Variants in MARCHF5 observed in about 807,000 individuals in gnomAD.
The protein encoded by MARCHF5 is membrane associated ring-CH-type finger 5, also known as E3 ubiquitin-protein ligase MARCHF5.
Under a neutral mutation model 36.5 loss-of-function variants are expected in MARCHF5, and 5 were observed. That is an observed-to-expected ratio of 0.14 (90% CI 0.07 to 0.29). The LOEUF (loss-of-function observed/expected upper bound fraction) is 0.29. Among genes scored for constraint, MARCHF5 ranks in the 10% least tolerant of loss-of-function variants. The probability of loss-of-function intolerance (pLI) is 1.00; values close to 1 mark genes in which losing one functional copy is unlikely to be tolerated. For missense variants in MARCHF5, 179 were observed against 336.3 expected (o/e 0.53, Z 3.66); for synonymous variants, 103 against 109.9 (o/e 0.94, Z 0.39).
At chr10:92,342,071 G>A (rs1590667016) in intron 3 of MARCHF5, among the ~76,000 whole-genome samples, 2 of 150,366 alleles carry the variant, frequency 1.3e-5, no homozygotes, top group East Asian at 4.0e-4. Context: ...AGTGCTGGAG[G>A]TACGGGTGTA....
chr10:92,332,765 T>G (rs918184085), intron 2 of MARCHF5, among the ~76,000 whole-genome samples: 2 of 151,832 alleles, frequency 1.3e-5, no homozygotes, highest in African/African-American at 4.8e-5. Context: ...GAGATCCACC[T>G]GCCTCAGCCT....
At chr10:92,327,059 A>G (rs1034534171) in intron 2 of MARCHF5, among the ~76,000 whole-genome samples, 13 of 152,200 alleles carry the variant, frequency 8.5e-5, no homozygotes, top group Admixed American at 2.6e-4. Context: ...ACACTTACAC[A>G]GAATCTACAA....
intron 2 of MARCHF5, among the ~76,000 whole-genome samples, chr10:92,331,435 C>A (rs186526584): frequency 6.6e-5 from 10 of 152,144 alleles, no homozygotes; most frequent in South Asian, 2.1e-4. Flanking sequence ...TCCTCCCCCC[C>A]CATAATCTTT....
At chr10:92,335,408 A>G (rs17365265) in intron 2 of MARCHF5, among the ~76,000 whole-genome samples, 18,133 of 152,204 alleles carry the variant, frequency 0.12, 1,401 homozygotes, top group Middle Eastern at 0.22. Context: ...TAGCTCTCAG[A>G]AATACCTCCC....
chr10:92,343,203 C>T (rs540165374), intron 3 of MARCHF5, among the ~76,000 whole-genome samples: 7 of 152,282 alleles, frequency 4.6e-5, no homozygotes, highest in African/African-American at 1.2e-4. Context: ...CTTTGGCTTA[C>T]GTCACCTTCC....
At chr10:92,344,059 A>G (rs1308498298) in intron 3 of MARCHF5, among the ~76,000 whole-genome samples, 1 of 152,220 alleles carries the variant, frequency 6.6e-6, no homozygotes, top group Non-Finnish European at 1.5e-5. Context: ...TTTTCTTAAG[A>G]CTTTATTGAC....
intron 2 of MARCHF5, among the ~76,000 whole-genome samples, chr10:92,332,736 GTCTCAATC>G (rs1843451841): frequency 6.6e-6 from 1 of 151,540 alleles, no homozygotes; most frequent in African/African-American, 2.4e-5. Flanking sequence ...GGCCAGGATG[GTCTCAATC>G]TCTTGACTTT....
chr10:92,304,100 G>A (rs1403936473), intron 1 of MARCHF5, among the ~76,000 whole-genome samples: 2 of 152,172 alleles, frequency 1.3e-5, no homozygotes, highest in African/African-American at 2.4e-5. Flanking sequence ...AAGTAGTGGC[G>A]TGGCCTGTTG....
At position 92,302,389 on chromosome 10, in the gene MARCHF5, G is replaced by A. The variant is rs1247507416; in HGVS notation, c.36-8746G>A. On this transcript the variant is annotated intron_variant, in intron 1 of 5. Coordinates refer to ENST00000358935, the MANE Select transcript of MARCHF5 (RefSeq NM_017824.5). ...TTTCTGTTTCACAATTCTTGGGTGT[G>A]ACACTTTTAATCCTGAGACAAAATA... 2.0e-5 allele frequency among the ~76,000 whole-genome samples: 3 copies of A among 151,836 alleles called. No homozygotes were observed. The South Asian group carries it at 6.2e-4, about 31-fold the overall frequency.
At chr10:92,315,185 C>T (rs1459126629) in intron 2 of MARCHF5, among the ~76,000 whole-genome samples, 1 of 152,220 alleles carries the variant, frequency 6.6e-6, no homozygotes, top group Non-Finnish European at 1.5e-5. Context: ...TAACATGTTA[C>T]ATTCGTATAT....
chr10:92,300,138 G>A (rs545713845), intron 1 of MARCHF5, among the ~76,000 whole-genome samples: 3 of 149,250 alleles, frequency 2.0e-5, no homozygotes, highest in African/African-American at 7.4e-5. Flanking sequence ...TCCAGCCTGG[G>A]TATAACAAAG....
intron 1 of MARCHF5, among the ~76,000 whole-genome samples, chr10:92,302,537 C>T (rs1318382312): frequency 2.0e-5 from 3 of 151,692 alleles, no homozygotes; most frequent in Non-Finnish European, 4.4e-5. Flanking sequence ...CTCCGCCTCC[C>T]GAGTTCAAGC....
chr10:92,293,651 C>T (rs61066578), intron 1 of MARCHF5, among the ~76,000 whole-genome samples: 2,429 of 148,436 alleles, frequency 0.016, 65 homozygotes, highest in African/African-American at 0.057. Context: ...GGCGTAGTGG[C>T]GTGGGCCTGT....
At position 92,334,474 on chromosome 10, in the gene MARCHF5, G is replaced by T. The variant is rs1330196491; in HGVS notation, c.239-6199G>T. Reference sequence around the variant, plus strand: ...GAATTATGTTTCTCTGCCAGTCCAAGTGCATTGGTATTTACAACTAATTGA... The same window carrying T: ...GAATTATGTTTCTCTGCCAGTCCAATTGCATTGGTATTTACAACTAATTGA... On this transcript the variant is annotated intron_variant, in intron 2 of 5. Coordinates refer to ENST00000358935, the MANE Select transcript of MARCHF5 (RefSeq NM_017824.5). 2.6e-5 allele frequency: 4 copies of T among 152,526 alleles called. No homozygotes were observed. The East Asian group carries it at 5.8e-4, about 22-fold the overall frequency. 9.4% of individuals were successfully genotyped at this position (152,526 alleles called of 1,614,324 possible).
At chr10:92,341,824 G>T (rs1843583691) in intron 3 of MARCHF5, among the ~76,000 whole-genome samples, 1 of 115,228 alleles carries the variant, frequency 8.7e-6, no homozygotes, top group African/African-American at 3.4e-5. Flanking sequence ...GTCTTGCTCT[G>T]CATAGCCCAG....
chr10:92,316,479 A>G (rs1318417227), intron 2 of MARCHF5, among the ~76,000 whole-genome samples: 4 of 152,324 alleles, frequency 2.6e-5, no homozygotes, highest in East Asian at 3.9e-4. Flanking sequence ...GACCAGCAAC[A>G]TTAGCATTGT....
intron 2 of MARCHF5, among the ~76,000 whole-genome samples, chr10:92,330,730 C>A (rs1478271572): frequency 6.6e-6 from 1 of 152,166 alleles, no homozygotes; most frequent in Non-Finnish European, 1.5e-5. Flanking sequence ...GACACAAGAT[C>A]GTTACTACGT....
chr10:92,333,104 G>A (rs998391919), intron 2 of MARCHF5, among the ~76,000 whole-genome samples: 3 of 150,082 alleles, frequency 2.0e-5, no homozygotes, highest in Admixed American at 1.3e-4. Flanking sequence ...AGGATGCGGT[G>A]AGCCAAGATC....
intron 2 of MARCHF5, among the ~76,000 whole-genome samples, chr10:92,323,093 G>A (rs1369268446): frequency 6.6e-6 from 1 of 152,136 alleles, no homozygotes; most frequent in Non-Finnish European, 1.5e-5. Context: ...TGCAGTAGCT[G>A]TTAACAGGTG....
Sources: allele counts gnomAD v4.1 joint callset (sites outside exome capture counted in the v4.1 genomes callset), GRCh38; gene constraint gnomAD v4.1.1; transcripts MANE v1.5; gene names NCBI Gene and HGNC (gene_info 2026-07-23, HGNC 2026-07-21).